Variants in GREB1L observed in about 807,000 individuals in gnomAD.
GREB1L encodes GREB1 like retinoic acid receptor coactivator, also known as GREB1-like protein.
GREB1L carries 17 observed loss-of-function variants against 200.8 expected under a neutral mutation model. The ratio of observed to expected loss-of-function variants is 0.08; its 90% CI spans 0.06 to 0.13. The LOEUF (loss-of-function observed/expected upper bound fraction) is 0.13. Ranked by LOEUF, GREB1L falls within the 10% of genes least tolerant of loss-of-function variation. GREB1L has a pLI of 1.00. For synonymous variants in GREB1L, 789 were observed against 893.0 expected, an observed-to-expected ratio of 0.88 and a Z score of 2.08; for missense variants, 1,657 against 2,367.7, an observed-to-expected ratio of 0.70 and a Z score of 6.23.
Position 21,440,339 on chromosome 18 carries a change from A to C in GREB1L, c.1020A>C (p.Gln340His). 1 of 1,551,776 alleles carries C rather than the reference A, an allele frequency of 6.4e-7. No individual in the cohort carries two copies. The highest frequency in any genetic ancestry group is 1.2e-5 in the South Asian group (1 of 84,056). The change falls in exon 9 of 33, where the codon CAA becomes CAC. Residue 340 changes from glutamine to histidine, a missense_variant. By Grantham distance (24) the Gln-to-His change is conservative. Coordinates refer to ENST00000424526, the MANE Select transcript of GREB1L (RefSeq NM_001142966.3). Reference protein sequence around the residue: ...RGWYPGSPLPQPGLVVPVPTV... With the variant: ...RGWYPGSPLPHPGLVVPVPTV... ...GGTATCCTGGGTCACCTCTCCCCCA[A>C]CCTGGCTTAGTTGTACCTGTCCCTA...
chr18:21,477,075 A>G, intron 16 of GREB1L, 89 bp from the exon 17 acceptor site: 1 of 827,044 alleles, frequency 1.2e-6, no homozygotes, highest in Non-Finnish European at 1.7e-6. Context: ...TAGAAAAATA[A>G]AAACTAAAAC....
chr18:21,307,493 G>A (rs1369735216), intron 1 of GREB1L, among the ~76,000 whole-genome samples: 1 of 152,180 alleles, frequency 6.6e-6, no homozygotes, highest in Non-Finnish European at 1.5e-5. Flanking sequence ...TACAGAATAA[G>A]AGTTTAAAAG....
chr18:21,332,351 T>G (rs1465751646), intron 1 of GREB1L, among the ~76,000 whole-genome samples: 1 of 152,202 alleles, frequency 6.6e-6, no homozygotes, highest in Non-Finnish European at 1.5e-5. Context: ...ATGTTATCTC[T>G]TCTCCCTAGA....
chr18:21,406,653 A>G (rs759039510), intron 7 of GREB1L, among the ~76,000 whole-genome samples: 1 of 152,214 alleles, frequency 6.6e-6, no homozygotes, highest in Non-Finnish European at 1.5e-5. Context: ...ACCTTTCTAT[A>G]GGAGATTGTT....
rs1598598193 is a variant in GREB1L at position 21,242,347 on chromosome 18, C to T, written c.-166C>T. 6.6e-6 allele frequency: 1 copy of T among 152,162 alleles called. No homozygotes were observed. Among genetic ancestry groups the T allele is most frequent in the Non-Finnish European group, 1.5e-5 (1 of 68,106 alleles). The allele number at this position is 152,162 out of a possible 1,614,324, so 9.4% of individuals were successfully genotyped here. A position where few individuals can be genotyped will look rare whatever the true frequency, so the allele number is the denominator to read the frequency against. On this transcript the variant is annotated 5_prime_UTR_variant, in exon 1 of 33. Coordinates refer to ENST00000424526, the MANE Select transcript of GREB1L (RefSeq NM_001142966.3). ...GGTGGGGAGACCAGCCCGGCCGAGCCGAGGGCCACCCCCTGGTCCTCTGCC... is the reference window on the plus strand; with the variant it reads ...GGTGGGGAGACCAGCCCGGCCGAGCTGAGGGCCACCCCCTGGTCCTCTGCC...
At chr18:21,261,646 GCGACA>G (rs1368224804) in intron 1 of GREB1L, among the ~76,000 whole-genome samples, 1 of 152,046 alleles carries the variant, frequency 6.6e-6, no homozygotes, top group Non-Finnish European at 1.5e-5. Context: ...TTTTGGAAAA[GCGACA>G]CTGTAGCATG....
intron 7 of GREB1L, among the ~76,000 whole-genome samples, chr18:21,416,002 G>A (rs1207840124): frequency 1.3e-5 from 2 of 152,074 alleles, no homozygotes; most frequent in Non-Finnish European, 2.9e-5. Flanking sequence ...CAATACCAAG[G>A]AGATTAATCA....
intron 7 of GREB1L, among the ~76,000 whole-genome samples, chr18:21,437,113 G>C (rs1018937879): frequency 2.0e-5 from 3 of 152,060 alleles, no homozygotes; most frequent in Non-Finnish European, 4.4e-5. Context: ...CTTAATTGTA[G>C]AGACAGTGTT....
At chr18:21,402,209 A>G (rs1477824974) in intron 6 of GREB1L, among the ~76,000 whole-genome samples, 1 of 152,164 alleles carries the variant, frequency 6.6e-6, no homozygotes, top group East Asian at 1.9e-4. Flanking sequence ...CTATTAAATT[A>G]CTTTTCTCAG....
intron 1 of GREB1L, among the ~76,000 whole-genome samples, chr18:21,243,032 C>G (rs1264367529): frequency 6.6e-6 from 1 of 152,086 alleles, no homozygotes; most frequent in Non-Finnish European, 1.5e-5. Context: ...CGCGTGTCTT[C>G]CGGCCAGCAT....
At chr18:21,249,646 G>A (rs2037667723) in intron 1 of GREB1L, among the ~76,000 whole-genome samples, 2 of 152,014 alleles carry the variant, frequency 1.3e-5, no homozygotes, top group African/African-American at 4.8e-5. Flanking sequence ...CCTGAGGTCA[G>A]GAGTTTGAGA....
At chr18:21,362,263 A>G (rs898592302) in intron 1 of GREB1L, among the ~76,000 whole-genome samples, 3 of 152,142 alleles carry the variant, frequency 2.0e-5, no homozygotes, top group Non-Finnish European at 4.4e-5. Context: ...GTTGATTTAT[A>G]TAAGTTGAAA....
chr18:21,268,798 G>A (rs1405983909), intron 1 of GREB1L, among the ~76,000 whole-genome samples: 3 of 151,132 alleles, frequency 2.0e-5, no homozygotes, highest in Non-Finnish European at 2.9e-5. Flanking sequence ...GGGTTTTGCC[G>A]TGTTGCCCGG....
intron 2 of GREB1L, among the ~76,000 whole-genome samples, chr18:21,382,284 T>C (rs1352686079): frequency 6.6e-6 from 1 of 151,570 alleles, no homozygotes; most frequent in East Asian, 2.0e-4. Flanking sequence ...GAGGTTGCAC[T>C]GAGCCAAGAT....
At chr18:21,306,005 C>T (rs1188187892) in intron 1 of GREB1L, among the ~76,000 whole-genome samples, 1 of 152,142 alleles carries the variant, frequency 6.6e-6, no homozygotes, top group African/African-American at 2.4e-5. Context: ...TATATTCCTC[C>T]CTCCTGTGTT....
chr18:21,280,790 G>A (rs1450984868), intron 1 of GREB1L, among the ~76,000 whole-genome samples: 2 of 152,094 alleles, frequency 1.3e-5, no homozygotes, highest in Non-Finnish European at 2.9e-5. Flanking sequence ...TTTAAGAGTA[G>A]TGCCCCATAA....
chr18:21,507,266 A>G (rs1326881082), intron 25 of GREB1L, among the ~76,000 whole-genome samples: 1 of 152,182 alleles, frequency 6.6e-6, no homozygotes, highest in African/African-American at 2.4e-5. Context: ...GAAATCCTCT[A>G]TTCATAAAGT....
intron 1 of GREB1L, among the ~76,000 whole-genome samples, chr18:21,315,160 G>A (rs1207138069): frequency 6.6e-6 from 1 of 152,004 alleles, no homozygotes; most frequent in Non-Finnish European, 1.5e-5. Context: ...CATGGTTATG[G>A]CTCACTTTAA....
chr18:21,311,909 T>G (rs1254500110), intron 1 of GREB1L, among the ~76,000 whole-genome samples: 1 of 152,134 alleles, frequency 6.6e-6, no homozygotes, highest in Non-Finnish European at 1.5e-5. Flanking sequence ...GGGTTTGTTG[T>G]ACGGATTATT....
Sources: allele counts gnomAD v4.1 joint callset (sites outside exome capture counted in the v4.1 genomes callset), GRCh38; gene constraint gnomAD v4.1.1; transcripts MANE v1.5; gene names NCBI Gene and HGNC (gene_info 2026-07-23, HGNC 2026-07-21).